The following CIB2 variants were observed in gnomAD, a reference collection of about 807,000 sequenced individuals.
The protein encoded by CIB2 is calcium and integrin binding family member 2.
A neutral mutation model predicts 23.1 loss-of-function variants in CIB2; 19 were observed. The ratio of observed to expected loss-of-function variants is 0.82; its 90% CI spans 0.57 to 1.21. The LOEUF is 1.21. Among genes scored for constraint, CIB2 ranks in the 50% most tolerant of loss-of-function variants. CIB2 has a pLI of 0.00. For missense variants in CIB2, 220 were observed against 241.5 expected, an observed-to-expected ratio of 0.91 and a Z score of 0.59; for synonymous variants, 94 against 91.7, an observed-to-expected ratio of 1.03 and a Z score of -0.14.
chr15:78,130,289 G>C (rs555743760), intron 1 of CIB2, among the ~76,000 whole-genome samples: 2 of 152,308 alleles, frequency 1.3e-5, no homozygotes, highest in African/African-American at 4.8e-5. Context: ...ATGGGCAGAG[G>C]GAGAGAGGGA....
chr15:78,114,895 C>CT (rs2074215670), intron 2 of CIB2, among the ~76,000 whole-genome samples: 1 of 145,542 alleles, frequency 6.9e-6, no homozygotes, highest in Non-Finnish European at 1.5e-5. Flanking sequence ...GACCCTGTCT[C>CT]TAAAAAAAAA....
chr15:78,106,955 G>A (rs115388829), intron 4 of CIB2, among the ~76,000 whole-genome samples: 1,629 of 152,226 alleles, frequency 0.011, 35 homozygotes, highest in African/African-American at 0.037. Context: ...GTGGCCAGGC[G>A]CGGTGGTTCA....
At chr15:78,120,828 A>G in intron 2 of CIB2, 1 of 729,910 alleles carries the variant, frequency 1.4e-6, no homozygotes, top group Non-Finnish European at 1.7e-6. Flanking sequence ...CAGCTTACCA[A>G]GAAAACCATC....
chr15:78,117,601 A>G (rs1402351418), intron 2 of CIB2, among the ~76,000 whole-genome samples: 1 of 152,262 alleles, frequency 6.6e-6, no homozygotes, highest in East Asian at 1.9e-4. Flanking sequence ...TAATAAATTT[A>G]GAATTTTGCT....
chr15:78,121,497 T>C (rs1251479299), intron 2 of CIB2, among the ~76,000 whole-genome samples: 1 of 152,174 alleles, frequency 6.6e-6, no homozygotes, highest in Non-Finnish European at 1.5e-5. Flanking sequence ...TCTTGAATTG[T>C]AGTTCCCATA....
chr15:78,124,634 G>A (rs922906240), intron 1 of CIB2, among the ~76,000 whole-genome samples: 2 of 152,144 alleles, frequency 1.3e-5, no homozygotes, highest in African/African-American at 4.8e-5. Flanking sequence ...AACCGTAAAG[G>A]GCTTTTGTGC....
At chr15:78,109,192 TCCCCCACCGCATATTCA>T in intron 4 of CIB2, 26 bp downstream of exon 4, 1 of 1,241,540 alleles carries the variant, frequency 8.1e-7, no homozygotes, top group Non-Finnish European at 1.1e-6. Flanking sequence ...CCCCACATGT[TCCCCCACCGCATATTCA>T]GGCCCCCTCC....
intron 2 of CIB2, among the ~76,000 whole-genome samples, chr15:78,118,332 C>T (rs2074269075): frequency 6.6e-6 from 1 of 152,038 alleles, no homozygotes; most frequent in South Asian, 2.1e-4. Flanking sequence ...GTGGCTCACG[C>T]CTGTAATCCC....
intron 2 of CIB2, among the ~76,000 whole-genome samples, chr15:78,112,865 T>C (rs1387480397): frequency 6.6e-6 from 1 of 152,228 alleles, no homozygotes; most frequent in Non-Finnish European, 1.5e-5. Flanking sequence ...GTGGTCCTGC[T>C]GCCTACTGTC....
Position 78,125,174 on chromosome 15 carries a change from A to G in CIB2, c.52-1435T>C, listed in dbSNP as rs118153943. On this transcript the variant is annotated intron_variant, in intron 1 of 5. Coordinates refer to ENST00000258930, the MANE Select transcript of CIB2 (RefSeq NM_006383.4). ...GTGCCCCCTGCTCCTCACCCAACAC[A>G]GACAGAAAACTCCCTACTTAGCAGG... Among the ~76,000 whole-genome samples the G allele has an allele frequency of 6.0e-3, 915 of 152,298 alleles. 8 individuals are homozygous for G. The highest frequency in any genetic ancestry group is 8.8e-3 in the Non-Finnish European group (596 of 68,010).
rs60332437 is a variant in CIB2 at position 78,117,246 on chromosome 15, C to CAAAAAAAAAAAAAAAAAAA, written c.87-5989_87-5971dup. ...GTTAAGTGTTTCTTCAAGCTACTGG[C>CAAAAAAAAAAAAAAAAAAA]AAAAAAAAAAAAAAAAAAAAAAAAA... On this transcript the variant is annotated intron_variant, in intron 2 of 5. Coordinates refer to ENST00000258930, the MANE Select transcript of CIB2 (RefSeq NM_006383.4). Among the ~76,000 whole-genome samples, 152 of 55,462 alleles carry CAAAAAAAAAAAAAAAAAAA rather than the reference C, an allele frequency of 2.7e-3. 19 individuals are homozygous for CAAAAAAAAAAAAAAAAAAA. The highest frequency in any genetic ancestry group is 3.0e-3 in the Non-Finnish European group (98 of 33,032). The allele number at this position is 55,462 out of a possible 152,430, so 36.4% of individuals were successfully genotyped here. A position where few individuals can be genotyped will look rare whatever the true frequency, so the allele number is the denominator to read the frequency against.
At chr15:78,121,327 C>T (rs2074314652) in intron 2 of CIB2, among the ~76,000 whole-genome samples, 1 of 152,186 alleles carries the variant, frequency 6.6e-6, no homozygotes, top group African/African-American at 2.4e-5. Flanking sequence ...TGTTGAATTA[C>T]AGAGCCTAGG....
intron 2 of CIB2, among the ~76,000 whole-genome samples, chr15:78,117,763 G>T (rs990721112): frequency 6.6e-6 from 1 of 152,192 alleles, no homozygotes; most frequent in African/African-American, 2.4e-5. Context: ...CGACTAGACA[G>T]CTTCATTTAT....
At chr15:78,111,115 G>A in intron 3 of CIB2, 50 bp downstream of exon 3, 1 of 1,529,324 alleles carries the variant, frequency 6.5e-7, no homozygotes, top group Non-Finnish European at 9.1e-7. Flanking sequence ...CTCTGCTGCT[G>A]GTCCAGAGGC....
chr15:78,117,243 T>G (rs1284967583), intron 2 of CIB2, among the ~76,000 whole-genome samples: 3 of 31,004 alleles, frequency 9.7e-5, no homozygotes, highest in South Asian at 1.3e-3. Flanking sequence ...TTCAAGCTAC[T>G]GGCAAAAAAA....
At chr15:78,105,965 C>A in intron 4 of CIB2, 31 bp from the exon 5 acceptor site, 1 of 1,595,966 alleles carries the variant, frequency 6.3e-7, no homozygotes, top group South Asian at 1.1e-5. Context: ...ATGTTCAAGT[C>A]CAGGCTGCGT....
chr15:78,111,774 TG>T (rs1266625044), intron 2 of CIB2, among the ~76,000 whole-genome samples: 1 of 152,182 alleles, frequency 6.6e-6, no homozygotes, highest in African/African-American at 2.4e-5. Context: ...TCAAGGGCCA[TG>T]GGTTGAGCCC....
chr15:78,109,154 A>C, intron 4 of CIB2, 81 bp downstream of exon 4: 1 of 1,491,114 alleles, frequency 6.7e-7, no homozygotes, highest in South Asian at 1.3e-5. Flanking sequence ...CTAGGGCAGG[A>C]GCCAGTAGTA....
chr15:78,129,870 G>C (rs1056540337), intron 1 of CIB2, among the ~76,000 whole-genome samples: 12 of 152,220 alleles, frequency 7.9e-5, no homozygotes, highest in Non-Finnish European at 5.9e-5. Context: ...TCACTGTGAT[G>C]ATCAAGTGAG....
Sources: gnomAD v4.1 joint callset for allele counts (sites outside exome capture counted in the v4.1 genomes callset) on GRCh38, gnomAD v4.1.1 for gene constraint, MANE v1.5 for transcripts, NCBI Gene and HGNC (gene_info 2026-07-23, HGNC 2026-07-21) for gene names.